The following BRINP3 variants were observed in gnomAD, a reference collection of about 807,000 sequenced individuals.
The protein encoded by BRINP3 is BMP/retinoic acid-inducible neural-specific protein 3.
A neutral mutation model predicts 71.0 loss-of-function variants in BRINP3; 19 were observed. That is an observed-to-expected ratio of 0.27 (90% confidence interval 0.19 to 0.39). The LOEUF is 0.39. Ranked by LOEUF, BRINP3 falls within the 10% of genes least tolerant of loss-of-function variation. The probability of loss-of-function intolerance (pLI) is 1.00; values close to 1 mark genes in which losing one functional copy is unlikely to be tolerated. For synonymous variants in BRINP3, 380 were observed against 337.7 expected (o/e 1.13, Z -1.37); for missense variants, 959 against 940.8 (o/e 1.02, Z -0.25).
chr1:190,187,960 T>C (rs933739846), intron 6 of BRINP3, among the ~76,000 whole-genome samples: 1 of 152,078 alleles, frequency 6.6e-6, no homozygotes, highest in Non-Finnish European at 1.5e-5. Flanking sequence ...ATCTATAGAT[T>C]GTTTTGGGTA....
chr1:190,290,761 G>A (rs887351077), intron 2 of BRINP3, among the ~76,000 whole-genome samples: 3 of 151,994 alleles, frequency 2.0e-5, no homozygotes, highest in African/African-American at 4.8e-5. Flanking sequence ...TAAATTCTCC[G>A]AGGCTGTATA....
At chr1:190,199,835 G>T (rs983007062) in intron 6 of BRINP3, among the ~76,000 whole-genome samples, 5 of 148,144 alleles carry the variant, frequency 3.4e-5, no homozygotes, top group African/African-American at 1.2e-4. Flanking sequence ...CTTTTTTCTA[G>T]GGAAAATTAT....
At chr1:190,290,899 G>A (rs1663812212) in intron 2 of BRINP3, among the ~76,000 whole-genome samples, 1 of 152,024 alleles carries the variant, frequency 6.6e-6, no homozygotes, top group East Asian at 1.9e-4. Context: ...GTGTTTGTGT[G>A]TGTGTGTGCA....
At chr1:190,242,126 A>T (rs2102773533) in intron 4 of BRINP3, among the ~76,000 whole-genome samples, 1 of 152,062 alleles carries the variant, frequency 6.6e-6, no homozygotes, top group East Asian at 1.9e-4. Context: ...CATATTATTA[A>T]TTATAAGATG....
intron 2 of BRINP3, among the ~76,000 whole-genome samples, chr1:190,409,293 A>G (rs1168992421): frequency 6.6e-6 from 1 of 152,158 alleles, no homozygotes; most frequent in African/African-American, 2.4e-5. Context: ...AGAAGGAAAC[A>G]GCATTATTTT....
chr1:190,184,983 T>G (rs1653384412), intron 6 of BRINP3, among the ~76,000 whole-genome samples: 1 of 152,144 alleles, frequency 6.6e-6, no homozygotes, highest in Non-Finnish European at 1.5e-5. Context: ...AAGACTTAAG[T>G]CCTGAAGCTT....
chr1:190,291,588 T>C (rs750179585), intron 2 of BRINP3, among the ~76,000 whole-genome samples: 3 of 152,006 alleles, frequency 2.0e-5, no homozygotes, highest in Non-Finnish European at 4.4e-5. Flanking sequence ...GAAATGCAAA[T>C]TGAAACCACA....
At chr1:190,350,792 TCTG>T (rs1668329469) in intron 2 of BRINP3, among the ~76,000 whole-genome samples, 2 of 151,446 alleles carry the variant, frequency 1.3e-5, no homozygotes, top group Non-Finnish European at 2.9e-5. Flanking sequence ...TAAATGGGCT[TCTG>T]CAGCCAGAAT....
chr1:190,136,126 A>G (rs1366107526), intron 7 of BRINP3, among the ~76,000 whole-genome samples: 1 of 152,126 alleles, frequency 6.6e-6, no homozygotes, highest in African/African-American at 2.4e-5. Context: ...AAAATATTTC[A>G]TGAGAGAAAT....
Position 190,226,576 on chromosome 1 carries a change from T to C in BRINP3, c.725-258A>G, listed in dbSNP as rs189688562. ...TGGAGATGATTGAAAACTCAGACTA[T>C]TTGATGTAATTTATCACAATATTTG... is the stretch of plus-strand genomic sequence containing the variant. On this transcript the variant is annotated intron_variant, in intron 5 of 7. Transcript: ENST00000367462. Among the ~76,000 whole-genome samples the C allele has an allele frequency of 2.4e-3, 361 of 152,090 alleles. 1 individual carries two copies. The Middle Eastern group carries it at 0.024, about 10-fold the overall frequency.
intron 7 of BRINP3, among the ~76,000 whole-genome samples, chr1:190,107,904 A>T (rs1325923077): frequency 6.6e-6 from 1 of 151,988 alleles, no homozygotes; most frequent in Non-Finnish European, 1.5e-5. Flanking sequence ...TAATAATCTG[A>T]TTTCTGGTAT....
chr1:190,470,397 G>T (rs1466932749), intron 1 of BRINP3, among the ~76,000 whole-genome samples: 1 of 150,884 alleles, frequency 6.6e-6, no homozygotes, highest in African/African-American at 2.4e-5. Context: ...CAATAAATGT[G>T]TACTTTATAG....
chr1:190,229,645 A>AACACACACACACACACAC (rs71794093), intron 5 of BRINP3, among the ~76,000 whole-genome samples: 39 of 133,516 alleles, frequency 2.9e-4, no homozygotes, highest in East Asian at 4.6e-4. Flanking sequence ...AACAAAACAA[A>AACACACACACACACACAC]ACACACACAC....
chr1:190,293,187 T>G (rs971293392), intron 2 of BRINP3, among the ~76,000 whole-genome samples: 1 of 152,150 alleles, frequency 6.6e-6, no homozygotes, highest in African/African-American at 2.4e-5. Context: ...TCCTGCTTTA[T>G]CTATATTTCA....
intron 2 of BRINP3, among the ~76,000 whole-genome samples, chr1:190,369,294 A>G (rs1669707287): frequency 6.6e-6 from 1 of 152,140 alleles, no homozygotes; most frequent in South Asian, 2.1e-4. Context: ...ATAATATATT[A>G]TTCTCATGAT....
At chr1:190,164,617 G>T (rs1651318581) in intron 6 of BRINP3, among the ~76,000 whole-genome samples, 1 of 151,992 alleles carries the variant, frequency 6.6e-6, no homozygotes. Flanking sequence ...TAGAGACAAG[G>T]TTTCACTCTA....
Position 190,442,710 on chromosome 1 carries a change from TTGTG to T in BRINP3, c.236+11941_236+11944del, listed in dbSNP as rs566633175. 2.6e-3 allele frequency among the ~76,000 whole-genome samples: 390 copies of T among 151,424 alleles called. 1 individual carries two copies. The highest frequency in any genetic ancestry group is 4.3e-3 in the Non-Finnish European group (292 of 67,760). On this transcript the variant is annotated intron_variant, in intron 2 of 7. Coordinates refer to ENST00000367462, the MANE Select transcript of BRINP3 (RefSeq NM_199051.3). ...TTTTCTTCAAATGTGTGTGGTTACT[TTGTG>T]TGTATTTTCTTCATGCCTGTGCGTG...
chr1:190,443,571 CAG>C (rs1311688598), intron 2 of BRINP3, among the ~76,000 whole-genome samples: 1 of 152,100 alleles, frequency 6.6e-6, no homozygotes, highest in African/African-American at 2.4e-5. Context: ...AAAGTTGAAA[CAG>C]AACCAGGCAG....
intron 2 of BRINP3, among the ~76,000 whole-genome samples, chr1:190,428,336 A>G (rs959064527): frequency 1.3e-5 from 2 of 152,060 alleles, no homozygotes; most frequent in Non-Finnish European, 2.9e-5. Flanking sequence ...ATACTAAAAT[A>G]TACTATGAAT....
Sources: gnomAD v4.1 joint callset for allele counts (sites outside exome capture counted in the v4.1 genomes callset) on GRCh38, gnomAD v4.1.1 for gene constraint, MANE v1.5 for transcripts, NCBI Gene and HGNC (gene_info 2026-07-23, HGNC 2026-07-21) for gene names.